CANX: variants seen among roughly 807,000 people sequenced by gnomAD.
CANX encodes calnexin, also known as epididymis secretory sperm binding protein.
CANX carries 14 observed loss-of-function variants against 75.7 expected under a neutral mutation model. The ratio of observed to expected loss-of-function variants is 0.19; its 90% CI spans 0.12 to 0.29. The LOEUF (loss-of-function observed/expected upper bound fraction) is 0.29. Among genes scored for constraint, CANX ranks in the 10% least tolerant of loss-of-function variants. CANX has a pLI of 1.00. For synonymous variants in CANX, 227 were observed against 236.9 expected (o/e 0.96, Z 0.38); for missense variants, 567 against 713.2 (o/e 0.79, Z 2.34).
At chr5:179,690,090 A>G (rs532245931) in intron 1 of CANX, among the ~76,000 whole-genome samples, 62 of 152,300 alleles carry the variant, frequency 4.1e-4, no homozygotes, top group African/African-American at 1.5e-3. Context: ...TTTCTACCAC[A>G]CTGGCTGTGA....
At chr5:179,692,041 A>C (rs1412589857) in intron 1 of CANX, among the ~76,000 whole-genome samples, 1 of 147,268 alleles carries the variant, frequency 6.8e-6, no homozygotes, top group Non-Finnish European at 1.5e-5. Flanking sequence ...CAGCCTCCCA[A>C]AGTGCTGGGA....
upstream of CANX, chr5:179,694,477 G>T (rs1776355251): frequency 2.7e-6 from 2 of 730,336 alleles, no homozygotes; most frequent in South Asian, 1.5e-5. Flanking sequence ...CCACCATCTG[G>T]ATTCTTCCTG....
At chr5:179,705,930 T>C (rs933395183) in intron 2 of CANX, 78 bp downstream of exon 2, 1 of 1,257,126 alleles carries the variant, frequency 8.0e-7, no homozygotes, top group African/African-American at 1.5e-5. Flanking sequence ...TGCAGGGAAA[T>C]GTAGTCTCAA....
intron 13 of CANX, among the ~76,000 whole-genome samples, chr5:179,726,187 C>T (rs987396660): frequency 2.0e-5 from 3 of 151,696 alleles, no homozygotes; most frequent in African/African-American, 7.3e-5. Flanking sequence ...ACTCCGGAGG[C>T]TGAGGTAGGA....
At chr5:179,725,396 T>C (rs1042541193) in intron 13 of CANX, among the ~76,000 whole-genome samples, 6 of 151,666 alleles carry the variant, frequency 4.0e-5, no homozygotes, top group Non-Finnish European at 1.5e-5. Context: ...AAAAAAAAAT[T>C]GTTGGCCAGG....
chr5:179,697,275 G>C (rs1027191171), upstream of CANX, among the ~76,000 whole-genome samples: 4 of 151,942 alleles, frequency 2.6e-5, no homozygotes, highest in African/African-American at 9.7e-5. Context: ...TGTTGCCCAG[G>C]CTAGTCTTGA....
intron 10 of CANX, among the ~76,000 whole-genome samples, chr5:179,722,559 T>C (rs1378699687): frequency 6.6e-6 from 1 of 152,044 alleles, no homozygotes; most frequent in African/African-American, 2.4e-5. Context: ...ACTTGAGGGG[T>C]TGGTTTGGAC....
chr5:179,726,009 C>T (rs1778641414), intron 13 of CANX, among the ~76,000 whole-genome samples: 1 of 150,524 alleles, frequency 6.6e-6, no homozygotes, highest in Non-Finnish European at 1.5e-5. Context: ...AAATTGTTGG[C>T]CGAGCAAGGT....
chr5:179,717,936 G>A (rs910825715), intron 8 of CANX, among the ~76,000 whole-genome samples: 37 of 152,012 alleles, frequency 2.4e-4, no homozygotes, highest in Admixed American at 1.4e-3. Context: ...GGCTGATCTC[G>A]ATCTCCTGAC....
At chr5:179,690,879 ACT>A (rs1396022663) in intron 1 of CANX, among the ~76,000 whole-genome samples, 14 of 151,498 alleles carry the variant, frequency 9.2e-5, no homozygotes, top group African/African-American at 2.4e-5. Context: ...ACAGAGTGAG[ACT>A]CTCTCAAAAA....
chr5:179,718,679 C>T (rs1416361946), intron 8 of CANX, among the ~76,000 whole-genome samples: 1 of 152,148 alleles, frequency 6.6e-6, no homozygotes, highest in Non-Finnish European at 1.5e-5. Context: ...CAGGCATGTG[C>T]CACCACGCCC....
chr5:179,683,491 C>G (rs1222990465), intron 1 of CANX, among the ~76,000 whole-genome samples: 1 of 151,768 alleles, frequency 6.6e-6, no homozygotes, highest in African/African-American at 2.4e-5. Flanking sequence ...TATGTGAAAT[C>G]ATTCCCAAAA....
upstream of CANX, among the ~76,000 whole-genome samples, chr5:179,697,642 C>CA (rs1448344465): frequency 6.6e-6 from 1 of 152,224 alleles, no homozygotes; most frequent in Non-Finnish European, 1.5e-5. Flanking sequence ...CGCCGTGGCT[C>CA]ACGCCTGTAA....
intron 1 of CANX, 145 bp from the exon 2 acceptor site, chr5:179,705,534 C>T (rs1285178464): frequency 6.1e-6 from 4 of 656,954 alleles, no homozygotes; most frequent in Non-Finnish European, 1.0e-5. Context: ...TCTAGGCTGC[C>T]TTTCTTTATC....
Position 179,723,000 on chromosome 5 carries a change from C to T in CANX, c.1379C>T (p.Ala460Val), listed in dbSNP as rs1778409522. 6 of 1,613,974 alleles carry T rather than the reference C, an allele frequency of 3.7e-6. No individual in the cohort carries two copies. Among genetic ancestry groups the T allele is most frequent in the Non-Finnish European group, 5.1e-6 (6 of 1,179,854 alleles). Residue 460 changes from alanine (A) to valine (V), a missense_variant, in exon 11 of 15, where the codon GCT becomes GTT. Ala to Val is a moderately conservative substitution (Grantham distance 64). Coordinates refer to ENST00000247461, the MANE Select transcript of CANX (RefSeq NM_001746.4). ...WANDGWGLKKAADGAAEPGVV... is the reference protein window; with the variant it reads ...WANDGWGLKKVADGAAEPGVV... ...AATGATGGATGGGGCCTGAAGAAAG[C>T]TGCTGATGGGGCTGCTGAGGTTCGT... is the stretch of plus-strand genomic sequence containing the variant.
intron 8 of CANX, 107 bp downstream of exon 8, chr5:179,716,401 C>A: frequency 1.3e-6 from 1 of 751,392 alleles, no homozygotes; most frequent in Non-Finnish European, 2.2e-6. Context: ...TTCAGTAATC[C>A]ATGATGCAGT....
At position 179,687,837 on chromosome 5, in the gene CANX, G is replaced by A. The variant is rs531831399; in HGVS notation, c.-4+9060G>A. Among the ~76,000 whole-genome samples the A allele has an allele frequency of 3.9e-4, 60 of 151,910 alleles. 1 individual carries two copies. The highest frequency in any genetic ancestry group is 1.3e-3 in the African/African-American group (55 of 41,494). The stretch of plus-strand genomic sequence containing the variant: ...TCACTTGAGGGCAGGAGTTTGAGAT[G>A]AGCCTGGCCAACATGGTGAAACCCT... On this transcript the variant is annotated intron_variant, in intron 1 of 14. Coordinates refer to the CANX transcript ENST00000681674.
chr5:179,694,484 C>G (rs564389281), upstream of CANX: 1 of 744,700 alleles, frequency 1.3e-6, no homozygotes, highest in East Asian at 2.4e-5. Context: ...CTGGATTCTT[C>G]CTGTTCTCTT....
At chr5:179,680,596 C>T (rs928450983) in intron 1 of CANX, among the ~76,000 whole-genome samples, 3 of 152,130 alleles carry the variant, frequency 2.0e-5, no homozygotes, top group Non-Finnish European at 4.4e-5. Flanking sequence ...CTAAACATGA[C>T]TTTTATTCCA....
Sources: allele counts gnomAD v4.1 joint callset (sites outside exome capture counted in the v4.1 genomes callset), GRCh38; gene constraint gnomAD v4.1.1; transcripts MANE v1.5; gene names NCBI Gene and HGNC (gene_info 2026-07-23, HGNC 2026-07-21).